SLC1A2: variants seen among roughly 807,000 people sequenced by gnomAD.
The protein encoded by SLC1A2 is solute carrier family 1 member 2, also known as excitatory amino acid transporter 2.
Under a neutral mutation model 48.8 loss-of-function variants are expected in SLC1A2, and 15 were observed. The ratio of observed to expected loss-of-function variants is 0.31; its 90% CI spans 0.21 to 0.47. The LOEUF is 0.47. Ranked by LOEUF, SLC1A2 falls within the 20% of genes least tolerant of loss-of-function variation. The probability of loss-of-function intolerance (pLI) is 0.99; values close to 1 mark genes in which losing one functional copy is unlikely to be tolerated. For missense variants in SLC1A2, 502 were observed against 730.5 expected (o/e 0.69, Z 3.61); for synonymous variants, 279 against 272.6 (o/e 1.02, Z -0.23).
intron 4 of SLC1A2, among the ~76,000 whole-genome samples, chr11:35,311,517 AG>A (rs1851687899): frequency 6.6e-6 from 1 of 152,226 alleles, no homozygotes; most frequent in Admixed American, 6.5e-5. Context: ...AGAAAAATAC[AG>A]GGGAGGAAAC....
chr11:35,295,197 G>A (rs1002395580), intron 6 of SLC1A2, among the ~76,000 whole-genome samples: 1 of 151,952 alleles, frequency 6.6e-6, no homozygotes, highest in African/African-American at 2.4e-5. Flanking sequence ...ACAGGTGTTT[G>A]CCACCATTCT....
At chr11:35,407,203 A>G (rs1855325057) in intron 1 of SLC1A2, among the ~76,000 whole-genome samples, 1 of 152,170 alleles carries the variant, frequency 6.6e-6, no homozygotes, top group Admixed American at 6.5e-5. Flanking sequence ...ACAGATGACC[A>G]GGGTTGATCA....
intron 1 of SLC1A2, among the ~76,000 whole-genome samples, chr11:35,386,539 T>C (rs113278749): frequency 0.017 from 2,619 of 152,268 alleles, 77 homozygotes; most frequent in African/African-American, 0.059. Context: ...TTGAAAGAAA[T>C]CAAAAGAACA....
At position 35,258,544 on chromosome 11, in the gene SLC1A2, T is replaced by G. The variant is rs996780614; in HGVS notation, c.*2350A>C. 6.6e-6 allele frequency: 1 copy of G among 152,602 alleles called. No homozygotes were observed. The highest frequency in any genetic ancestry group is 1.5e-5 in the Non-Finnish European group (1 of 68,038). The allele number at this position is 152,602 out of a possible 1,614,324, so 9.5% of individuals were successfully genotyped here. ...AGACGCTTTGCCTATAGCCTCCAAC[T>G]TACCAGAAAAAAGCTCTTGGGAACA... On this transcript the variant is annotated 3_prime_UTR_variant, in exon 11 of 11. Coordinates refer to ENST00000278379, the MANE Select transcript of SLC1A2 (RefSeq NM_004171.4).
chr11:35,306,974 A>G (rs12270238), intron 4 of SLC1A2: 14,698 of 152,278 alleles, frequency 0.097, 876 homozygotes, highest in East Asian at 0.19. Context: ...TTTCACTCCT[A>G]TGATTGTAGC....
At chr11:35,362,930 A>G (rs1405012207) in intron 1 of SLC1A2, among the ~76,000 whole-genome samples, 2 of 152,232 alleles carry the variant, frequency 1.3e-5, no homozygotes, top group Non-Finnish European at 1.5e-5. Flanking sequence ...TGCCAGCCAC[A>G]TTCTAAATGC....
chr11:35,271,433 T>A (rs1427880411), intron 9 of SLC1A2, among the ~76,000 whole-genome samples: 2 of 152,044 alleles, frequency 1.3e-5, no homozygotes, highest in African/African-American at 4.8e-5. Context: ...AACACTAAGG[T>A]CAACCAACTT....
chr11:35,265,831 G>T, intron 9 of SLC1A2, 73 bp from the exon 10 acceptor site: 3 of 913,210 alleles, frequency 3.3e-6, no homozygotes, highest in Admixed American at 2.0e-5. Flanking sequence ...AAGGTCTGGA[G>T]TCAGAGAGAC....
intron 1 of SLC1A2, among the ~76,000 whole-genome samples, chr11:35,403,828 C>G (rs1185662594): frequency 1.8e-5 from 1 of 54,300 alleles, no homozygotes; most frequent in East Asian, 6.3e-4. Context: ...TTTAATGCCC[C>G]CTAACCAGAA....
At chr11:35,267,233 G>A (rs377649131) in intron 9 of SLC1A2, among the ~76,000 whole-genome samples, 1 of 152,182 alleles carries the variant, frequency 6.6e-6, no homozygotes, top group Non-Finnish European at 1.5e-5. Flanking sequence ...GAAAAAGCAC[G>A]AACTTTAGAG....
intron 1 of SLC1A2, among the ~76,000 whole-genome samples, chr11:35,407,647 C>T (rs1228074238): frequency 1.3e-5 from 2 of 152,242 alleles, no homozygotes; most frequent in Non-Finnish European, 2.9e-5. Context: ...CTGGCAAAGG[C>T]CAATGATGGC....
chr11:35,396,509 C>A (rs11820710), intron 1 of SLC1A2, among the ~76,000 whole-genome samples: 4,036 of 144,808 alleles, frequency 0.028, 170 homozygotes, highest in African/African-American at 0.1. Flanking sequence ...CCTTCGCCCA[C>A]TTTTTGATGG....
intron 4 of SLC1A2, among the ~76,000 whole-genome samples, chr11:35,310,318 A>G (rs1851648146): frequency 1.3e-5 from 2 of 152,192 alleles, no homozygotes; most frequent in African/African-American, 4.8e-5. Context: ...GATAGCACCC[A>G]ATCGTGTCTC....
At chr11:35,265,399 T>G in intron 10 of SLC1A2, 128 bp downstream of exon 10, 1 of 625,410 alleles carries the variant, frequency 1.6e-6, no homozygotes, top group Non-Finnish European at 2.8e-6. Context: ...GAAGCTTGGG[T>G]TACATGATTC....
chr11:35,404,792 G>T (rs1463692447), intron 1 of SLC1A2, among the ~76,000 whole-genome samples: 1 of 152,160 alleles, frequency 6.6e-6, no homozygotes, highest in African/African-American at 2.4e-5. Flanking sequence ...CAGAGGGAGA[G>T]AGAAAGCAAA....
Position 35,292,376 on chromosome 11 carries a change from C to A in SLC1A2, c.1002G>T (p.Leu334Phe). Residue 334 changes from leucine to phenylalanine, a missense_variant, in exon 7 of 11, where the codon TTG becomes TTT. Leu to Phe is a conservative substitution (Grantham distance 22). This residue lies in a region of SLC1A2 where 309 missense variants were observed against 480.3 expected (regional missense o/e 0.64). Coordinates refer to ENST00000278379, the MANE Select transcript of SLC1A2 (RefSeq NM_004171.4). ...LIIHGGIFLP[L>F]IYFVVTRKNP... ...TTTTCCTGGTCACTACAAAGTAAAT[C>A]AAGGGGAGAAAGATGCCCCCGTGGA... 1 of 1,614,004 alleles carries A rather than the reference C, an allele frequency of 6.2e-7. No homozygotes were observed. Among genetic ancestry groups the A allele is most frequent in the East Asian group, 2.2e-5 (1 of 44,886 alleles).
At chr11:35,263,970 A>T (rs932265436) in intron 10 of SLC1A2, 2 of 152,234 alleles carry the variant, frequency 1.3e-5, no homozygotes, top group Admixed American at 1.3e-4. Flanking sequence ...TTGTTGATTC[A>T]AACTAACATT....
At chr11:35,290,994 C>G (rs1307643876) in intron 7 of SLC1A2, among the ~76,000 whole-genome samples, 1 of 152,124 alleles carries the variant, frequency 6.6e-6, no homozygotes, top group Non-Finnish European at 1.5e-5. Flanking sequence ...TAAGGGAAAC[C>G]TGACTGACTG....
intron 1 of SLC1A2, among the ~76,000 whole-genome samples, chr11:35,343,865 G>T (rs755512607): frequency 1.3e-5 from 2 of 151,774 alleles, no homozygotes; most frequent in Non-Finnish European, 2.9e-5. Context: ...CACAGATCTG[G>T]TGTATTCGAA....
Sources: allele counts gnomAD v4.1 joint callset (sites outside exome capture counted in the v4.1 genomes callset), GRCh38; gene constraint gnomAD v4.1.1; regional missense constraint gnomAD v4.1.1; transcripts MANE v1.5; gene names NCBI Gene and HGNC (gene_info 2026-07-23, HGNC 2026-07-21).